ROBO2: variants seen among roughly 807,000 people sequenced by gnomAD.
The protein encoded by ROBO2 is roundabout homolog 2.
A neutral mutation model predicts 160.8 loss-of-function variants in ROBO2; 53 were observed. The ratio of observed to expected loss-of-function variants is 0.33; its 90% confidence interval spans 0.26 to 0.41. The LOEUF is 0.41. Ranked by LOEUF, ROBO2 falls within the 10% of genes least tolerant of loss-of-function variation. The pLI is 1.00. For missense variants in ROBO2, 1,577 were observed against 1,722.4 expected, an observed-to-expected ratio of 0.92 and a Z score of 1.49; for synonymous variants, 664 against 611.7, an observed-to-expected ratio of 1.09 and a Z score of -1.26.
chr3:77,186,768 A>G (rs1199620483), intron 2 of ROBO2, among the ~76,000 whole-genome samples: 2 of 151,970 alleles, frequency 1.3e-5, no homozygotes, highest in African/African-American at 2.4e-5. Flanking sequence ...TAAAACCTGC[A>G]GCCTTTCTAC....
chr3:76,185,800 G>T (rs902042219), intron 2 of ROBO2, among the ~76,000 whole-genome samples: 4 of 152,004 alleles, frequency 2.6e-5, no homozygotes, highest in African/African-American at 9.7e-5. Context: ...GATACCATCA[G>T]AACACCAAAT....
chr3:76,640,694 A>G (rs1347540818), intron 2 of ROBO2, among the ~76,000 whole-genome samples: 1 of 151,904 alleles, frequency 6.6e-6, no homozygotes, highest in Non-Finnish European at 1.5e-5. Flanking sequence ...GAACATATCC[A>G]ATACCCAGAT....
At chr3:77,632,749 T>G (rs2095191734) in intron 23 of ROBO2, 3 of 1,149,112 alleles carry the variant, frequency 2.6e-6, no homozygotes, top group Middle Eastern at 3.0e-4. Flanking sequence ...TTAGTGAGTC[T>G]GACTGTAGGG....
chr3:76,409,587 C>T (rs1440340899), intron 2 of ROBO2, among the ~76,000 whole-genome samples: 1 of 152,028 alleles, frequency 6.6e-6, no homozygotes, highest in Non-Finnish European at 1.5e-5. Context: ...TACATAAGAG[C>T]AGTATAGTTT....
intron 2 of ROBO2, among the ~76,000 whole-genome samples, chr3:77,349,399 C>A (rs1560592115): frequency 6.6e-6 from 1 of 152,166 alleles, no homozygotes; most frequent in African/African-American, 2.4e-5. Flanking sequence ...GCTAAAAATA[C>A]AATGTTGTCT....
chr3:77,630,742 C>T (rs1044644882), intron 23 of ROBO2: 1 of 151,900 alleles, frequency 6.6e-6, no homozygotes, highest in Non-Finnish European at 1.5e-5. Flanking sequence ...AGAGGGAAAT[C>T]AGGTAGGAGG....
At chr3:77,420,691 C>A (rs1489995206) in intron 2 of ROBO2, among the ~76,000 whole-genome samples, 2 of 152,082 alleles carry the variant, frequency 1.3e-5, no homozygotes, top group Non-Finnish European at 1.5e-5. Context: ...GAAAATGTGT[C>A]ATTAGTTAAC....
chr3:75,949,236 C>T (rs1948444714), intron 2 of ROBO2, among the ~76,000 whole-genome samples: 1 of 151,978 alleles, frequency 6.6e-6, no homozygotes, highest in African/African-American at 2.4e-5. Context: ...CTCACCATTT[C>T]TGCCTCATCT....
At chr3:77,286,895 G>A (rs975410530) in intron 2 of ROBO2, among the ~76,000 whole-genome samples, 3 of 152,160 alleles carry the variant, frequency 2.0e-5, no homozygotes, top group African/African-American at 4.8e-5. Context: ...GCCAGATGTT[G>A]AGTAATACGC....
chr3:77,619,817 A>G (rs1175177481), intron 22 of ROBO2, among the ~76,000 whole-genome samples: 1 of 152,092 alleles, frequency 6.6e-6, no homozygotes, highest in African/African-American at 2.4e-5. Flanking sequence ...TCCCAGGAGT[A>G]GAGGGCAAAG....
chr3:77,541,932 C>T (rs1383640857), intron 6 of ROBO2, among the ~76,000 whole-genome samples: 1 of 151,556 alleles, frequency 6.6e-6, no homozygotes, highest in Non-Finnish European at 1.5e-5. Flanking sequence ...GAATTGTCGT[C>T]TTGAGGACCT....
intron 2 of ROBO2, among the ~76,000 whole-genome samples, chr3:76,727,204 A>G (rs774918452): frequency 1.2e-4 from 18 of 152,204 alleles, no homozygotes; most frequent in Non-Finnish European, 1.8e-4. Context: ...TTTGGCTGCT[A>G]GACTCTAAGA....
intron 2 of ROBO2, among the ~76,000 whole-genome samples, chr3:77,396,823 G>A (rs2075327008): frequency 6.6e-6 from 1 of 151,992 alleles, no homozygotes; most frequent in Admixed American, 6.6e-5. Flanking sequence ...AGAAAAGGAA[G>A]GCACTTATGT....
chr3:75,929,612 T>C (rs574295312), intron 1 of ROBO2, among the ~76,000 whole-genome samples: 163 of 152,254 alleles, frequency 1.1e-3, no homozygotes, highest in African/African-American at 3.7e-3. Context: ...AATTGTACTG[T>C]TCCTTTGAAA....
intron 2 of ROBO2, among the ~76,000 whole-genome samples, chr3:76,898,048 G>A (rs1283243773): frequency 6.6e-6 from 1 of 152,066 alleles, no homozygotes; most frequent in African/African-American, 2.4e-5. Context: ...TGAAGGGTCT[G>A]AGTGGAAATG....
chr3:77,538,976 A>ATGAT, intron 6 of ROBO2: 1 of 418,374 alleles, frequency 2.4e-6, no homozygotes, highest in Non-Finnish European at 4.8e-6. Flanking sequence ...GAGCAGTGGC[A>ATGAT]CAACAATCTC....
chr3:77,541,654 G>C (rs2092466289), intron 6 of ROBO2, among the ~76,000 whole-genome samples: 1 of 152,166 alleles, frequency 6.6e-6, no homozygotes, highest in Admixed American at 6.5e-5. Context: ...ACACTAAATT[G>C]TGTCATTCTG....
chr3:77,375,926 A>T (rs532573856), intron 2 of ROBO2, among the ~76,000 whole-genome samples: 1 of 150,178 alleles, frequency 6.7e-6, no homozygotes, highest in South Asian at 2.1e-4. Flanking sequence ...TTAGCCAGAA[A>T]AGTCTAAGGT....
intron 4 of ROBO2, among the ~76,000 whole-genome samples, chr3:77,490,246 G>T (rs969958067): frequency 6.6e-6 from 1 of 151,750 alleles, no homozygotes; most frequent in East Asian, 2.0e-4. Context: ...GACTACAGGT[G>T]CCCGCCACCG....
Sources: gnomAD v4.1 joint callset for allele counts (sites outside exome capture counted in the v4.1 genomes callset) on GRCh38, gnomAD v4.1.1 for gene constraint, MANE v1.5 for transcripts, NCBI Gene and HGNC (gene_info 2026-07-23, HGNC 2026-07-21) for gene names.